The following PRDX4 variants were observed in gnomAD, a reference collection of about 807,000 sequenced individuals.
PRDX4 encodes peroxiredoxin-4.
In PRDX4, 12 loss-of-function variants were observed where a neutral mutation model predicts 20.5. That is an observed-to-expected ratio of 0.58 (90% CI 0.37 to 0.95). PRDX4 has a LOEUF of 0.95. Ranked by LOEUF, PRDX4 falls within the 40% of genes least tolerant of loss-of-function variation. PRDX4 has a pLI of 0.01. For missense variants in PRDX4, 180 were observed against 207.3 expected (o/e 0.87, Z 0.81); for synonymous variants, 99 against 87.5 (o/e 1.13, Z -0.73).
intron 1 of PRDX4, among the ~76,000 whole-genome samples, chrX:23,670,494 C>A (rs483169): frequency 0.39 from 43,353 of 110,169 alleles, 6,254 homozygotes; most frequent in Middle Eastern, 0.52. Context: ...TTGGAGTGAC[C>A]ATAAATGGTG....
rs144586320 is a variant in PRDX4 at position 23,685,093 on chromosome X, G to T, written c.766-1192G>T. On this transcript the variant is annotated intron_variant, in intron 6 of 6. Coordinates refer to ENST00000379341, the MANE Select transcript of PRDX4 (RefSeq NM_006406.2). ...CCATAGTTTTCACCAGATTCTCAGA[G>T]ATTTGTGGCCCCCAAAAGTTAATCA... Among the ~76,000 whole-genome samples, 571 of 112,397 alleles carry T rather than the reference G, an allele frequency of 5.1e-3. 1 individual carries two copies. The highest frequency in any genetic ancestry group is 0.011 in the South Asian group (29 of 2,747).
At chrX:23,671,226 G>A (rs1601789085) in intron 1 of PRDX4, among the ~76,000 whole-genome samples, 3 of 111,715 alleles carry the variant, frequency 2.7e-5, no homozygotes, top group African/African-American at 6.5e-5. Flanking sequence ...ATTATCTTAC[G>A]TAGTTGTCAG....
At chrX:23,679,991 A>C (rs78742561) in intron 4 of PRDX4, among the ~76,000 whole-genome samples, 1 of 97,556 alleles carries the variant, frequency 1.0e-5, no homozygotes, top group Non-Finnish European at 2.2e-5. Flanking sequence ...CAAAAAGAAA[A>C]AAAGAAAGAA....
Position 23,679,202 on chromosome X carries a change from A to G in PRDX4, c.514A>G (p.Ile172Val), listed in dbSNP as rs1467671061. The G allele has an allele frequency of 9.1e-6, 11 of 1,208,490 alleles. No individual in the cohort carries two copies. Among genetic ancestry groups the G allele is most frequent in the Non-Finnish European group, 1.2e-5 (11 of 892,710 alleles). Residue 172 changes from isoleucine (I) to valine (V), a missense_variant, in exon 4 of 7, where the codon ATA becomes GTA. Physicochemically the swap from Ile to Val is conservative, Grantham distance 29. This residue lies in a region of PRDX4 where 73 missense variants were observed against 76.5 expected (regional missense o/e 0.95). Transcript: ENST00000379341. ...TPRRQGGLGP[I>V]RIPLLSDLTH... is the part of the protein sequence containing the mutation. ...TCGAAGACAAGGAGGACTTGGGCCA[A>G]TAAGGATTCCACTTCTTTCAGATTT...
At chrX:23,679,340 C>T in intron 4 of PRDX4, 53 bp downstream of exon 4, 2 of 1,081,945 alleles carry the variant, frequency 1.8e-6, no homozygotes, top group South Asian at 2.3e-5. Context: ...TTATAATCCT[C>T]CTTGAAATAG....
chrX:23,679,242 C>T lies in PRDX4; in HGVS notation c.554C>T (p.Ser185Leu). The T allele has an allele frequency of 8.3e-7, 1 of 1,206,824 alleles. No homozygotes were observed. The highest frequency in any genetic ancestry group is 3.0e-5 in the East Asian group (1 of 33,810). ...CTTTCAGATTTGACCCATCAGATCT[C>T]AAAGGACTATGGTGTATACCTAGAG... The part of the protein sequence containing the change: ...PLLSDLTHQI[S>L]KDYGVYLEDS... Residue 185 changes from serine (S) to leucine (L), a missense_variant, in exon 4 of 7, where the codon TCA (serine) becomes TTA (leucine). Around this residue, in one of 3 missense-constraint regions of PRDX4, gnomAD observed 73 missense variants for 76.5 expected, o/e 0.95. Coordinates refer to ENST00000379341, the MANE Select transcript of PRDX4 (RefSeq NM_006406.2).
chrX:23,675,660 T>C (rs776887843), intron 3 of PRDX4, among the ~76,000 whole-genome samples: 12 of 112,329 alleles, frequency 1.1e-4, no homozygotes, highest in African/African-American at 3.9e-4. Flanking sequence ...ATTTAAAAGA[T>C]TGAAAAAATG....
intron 2 of PRDX4, among the ~76,000 whole-genome samples, chrX:23,673,514 A>G (rs1364763054): frequency 8.9e-6 from 1 of 112,441 alleles, no homozygotes; most frequent in African/African-American, 3.2e-5. Context: ...GCACTTTGGG[A>G]GGCCAACATG....
intron 6 of PRDX4, among the ~76,000 whole-genome samples, chrX:23,685,412 A>T (rs1389535696): frequency 8.9e-6 from 1 of 111,805 alleles, no homozygotes; most frequent in African/African-American, 3.2e-5. Context: ...ATAATCAACA[A>T]ATGTAAACTA....
At chrX:23,668,915 ACT>A (rs1491333967) in intron 1 of PRDX4, among the ~76,000 whole-genome samples, 9 of 77,815 alleles carry the variant, frequency 1.2e-4, no homozygotes, top group Admixed American at 1.7e-4. Flanking sequence ...CCACTTTGGG[ACT>A]TTTTTTTTTT....
At chrX:23,682,853 A>AAAAAAAAAAAT (rs1555933130) in intron 5 of PRDX4, among the ~76,000 whole-genome samples, 6 of 14,878 alleles carry the variant, frequency 4.0e-4, no homozygotes, top group Admixed American at 1.2e-3. Flanking sequence ...AAAAAAAAAA[A>AAAAAAAAAAAT]ATATATATAT....
chrX:23,681,012 G>A (rs1459177712), intron 4 of PRDX4, among the ~76,000 whole-genome samples: 1 of 111,436 alleles, frequency 9.0e-6, no homozygotes, highest in Admixed American at 9.5e-5. Context: ...GGCGGATCAC[G>A]AGGTCAGGAG....
chrX:23,679,058 G>A, intron 3 of PRDX4, 107 bp from the exon 4 acceptor site: 3 of 857,431 alleles, frequency 3.5e-6, no homozygotes. Context: ...GTTAGTGAAA[G>A]AATGTGTGTA....
intron 6 of PRDX4, 68 bp downstream of exon 6, chrX:23,683,773 A>G (rs763050258): frequency 1.9e-5 from 19 of 982,630 alleles, no homozygotes; most frequent in Middle Eastern, 3.8e-4. Context: ...GGCCGGGCGC[A>G]GTGGCTCACG....
chrX:23,678,136 G>A (rs748052030), intron 3 of PRDX4, among the ~76,000 whole-genome samples: 5 of 109,013 alleles, frequency 4.6e-5, no homozygotes, highest in Non-Finnish European at 7.6e-5. Flanking sequence ...GCGTGGTGGC[G>A]GGTGCCTGTA....
At chrX:23,684,792 G>C (rs183361748) in intron 6 of PRDX4, among the ~76,000 whole-genome samples, 44 of 110,964 alleles carry the variant, frequency 4.0e-4, no homozygotes, top group Admixed American at 3.5e-3. Flanking sequence ...ATGAGGCACC[G>C]CTCCTGGCCC....
intron 4 of PRDX4, among the ~76,000 whole-genome samples, chrX:23,680,657 T>G (rs1348376425): frequency 2.8e-5 from 3 of 109,067 alleles, no homozygotes; most frequent in African/African-American, 1.0e-4. Flanking sequence ...TTGGGAGACC[T>G]AGGTGGGAGG....
intron 5 of PRDX4, 24 bp from the exon 6 acceptor site, chrX:23,683,647 T>A: frequency 8.3e-7 from 1 of 1,203,701 alleles, no homozygotes; most frequent in Non-Finnish European, 1.1e-6. Context: ...TAAAATGTCT[T>A]CTGCCTCTTT....
rs776481861 is a variant in PRDX4 at position 23,667,666 on chromosome X, T to C, written c.96T>C (p.Ala32=). 1.7e-5 allele frequency: 21 copies of C among 1,208,219 alleles called. No individual in the cohort carries two copies. In the Admixed American group the frequency reaches 4.2e-4, roughly 24 times the overall value. Residue 32 remains alanine (A), a synonymous_variant, in exon 1 of 7, where the codon GCT becomes GCC. Coordinates refer to ENST00000379341, the MANE Select transcript of PRDX4 (RefSeq NM_006406.2). ...CGCTACTGCTGTTCCTGCTGCCGGC[T>C]GGAGCTGTGCAGGGCTGGGAGACAG... The part of the protein sequence containing the change: ...LLPLLLFLLP[A]GAVQGWETEE...
Sources: gnomAD v4.1 joint callset for allele counts (sites outside exome capture counted in the v4.1 genomes callset) on GRCh38, gnomAD v4.1.1 for gene constraint, gnomAD v4.1.1 regional missense constraint, MANE v1.5 for transcripts, NCBI Gene and HGNC (gene_info 2026-07-23, HGNC 2026-07-21) for gene names.